INVS: variants seen among roughly 807,000 people sequenced by gnomAD.
The protein encoded by INVS is inversion of embryo turning homolog.
INVS carries 86 observed loss-of-function variants against 108.8 expected under a neutral mutation model. The ratio of observed to expected loss-of-function variants is 0.79; its 90% CI spans 0.66 to 0.95. The LOEUF is 0.95. Among genes scored for constraint, INVS ranks in the 40% least tolerant of loss-of-function variants. The pLI is 0.00. For missense variants in INVS, 1,169 were observed against 1,297.4 expected (o/e 0.90, Z 1.52); for synonymous variants, 455 against 473.5 (o/e 0.96, Z 0.51).
At chr9:100,146,789 CAT>C (rs1045447527) in intron 3 of INVS, among the ~76,000 whole-genome samples, 2 of 152,178 alleles carry the variant, frequency 1.3e-5, no homozygotes, top group African/African-American at 4.8e-5. Context: ...ATATAGCTAA[CAT>C]ATGGATGAAT....
chr9:100,112,761 A>G (rs998940750), intron 2 of INVS, among the ~76,000 whole-genome samples: 1 of 152,152 alleles, frequency 6.6e-6, no homozygotes, highest in East Asian at 1.9e-4. Flanking sequence ...CCTGGGCTAC[A>G]TGTGGCCCAC....
In INVS at chr9:100,260,357, T is replaced by C. The variant is rs375583444; in HGVS notation, c.1465-4465T>C. 2.5e-3 allele frequency among the ~76,000 whole-genome samples: 375 copies of C among 150,452 alleles called. 12 individuals carry two copies. The South Asian group carries it at 0.076, about 31-fold the overall frequency. The stretch of plus-strand genomic sequence containing the variant: ...GGCATGCACCACCACATCTGGCTAA[T>C]TTTTATAATGTTTTTAGTAGACACA... On this transcript the variant is annotated intron_variant, in intron 10 of 16. Coordinates refer to ENST00000262457, the MANE Select transcript of INVS (RefSeq NM_014425.5).
intron 10 of INVS, among the ~76,000 whole-genome samples, chr9:100,263,200 G>A (rs1832684486): frequency 6.6e-6 from 1 of 151,208 alleles, no homozygotes; most frequent in African/African-American, 2.5e-5. Flanking sequence ...AGTCAGTTGA[G>A]TGTTTTCTCA....
In INVS at chr9:100,165,717, T is replaced by G. The variant is rs565615757; in HGVS notation, c.273+39168T>G. On this transcript the variant is annotated intron_variant, in intron 3 of 16. Transcript: ENST00000262457. ...TTATTATCCTTAATTAGTATTCAAA[T>G]TACTCTGTTTTTGGCCTGTGGGAGG... Among the ~76,000 whole-genome samples, 4 of 152,214 alleles carry G rather than the reference T, an allele frequency of 2.6e-5. No individual in the cohort carries two copies. The South Asian group carries it at 6.2e-4, about 24-fold the overall frequency.
chr9:100,224,062 C>T lies in INVS; in HGVS notation c.274-2000C>T, dbSNP rs1421246183. Among the ~76,000 whole-genome samples, 10 of 152,014 alleles carry T rather than the reference C, an allele frequency of 6.6e-5. 1 individual carries two copies. The highest frequency in any genetic ancestry group is 2.1e-4 in the South Asian group (1 of 4,820). Reference sequence around the variant, plus strand: ...AAAAAAAACAAAACAAAAAAAAACACGCAAAAAAATCTCATAATGTTTTAA... The same window carrying T: ...AAAAAAAACAAAACAAAAAAAAACATGCAAAAAAATCTCATAATGTTTTAA... On this transcript the variant is annotated intron_variant, in intron 3 of 16. Coordinates refer to ENST00000262457, the MANE Select transcript of INVS (RefSeq NM_014425.5).
At chr9:100,122,264 A>G (rs1160558764) in intron 2 of INVS, among the ~76,000 whole-genome samples, 4 of 152,174 alleles carry the variant, frequency 2.6e-5, no homozygotes, top group Non-Finnish European at 5.9e-5. Flanking sequence ...TATTGAGAGA[A>G]GAGTGTTGAA....
chr9:100,246,881 T>C (rs1564174564), intron 8 of INVS, 94 bp downstream of exon 8: 2 of 1,133,712 alleles, frequency 1.8e-6, no homozygotes, highest in Non-Finnish European at 2.7e-6. Flanking sequence ...TTGAAATCAT[T>C]GTTCCTAATC....
rs1327016949 is a variant in INVS at position 100,287,965 on chromosome 9, G to A, written c.2068+3362G>A. ...GACTCTTTCTGATTCAGAGACCAAT[G>A]AGCCAAAAAGATACATTATCAACAC... is the stretch of plus-strand genomic sequence containing the variant. On this transcript the variant is annotated intron_variant, in intron 13 of 16. Coordinates refer to ENST00000262457, the MANE Select transcript of INVS (RefSeq NM_014425.5). Among the ~76,000 whole-genome samples the A allele has an allele frequency of 3.9e-5, 6 of 152,144 alleles. No homozygotes were observed. The East Asian group carries it at 9.7e-4, about 24-fold the overall frequency.
At chr9:100,153,554 A>T (rs750972312) in intron 3 of INVS, among the ~76,000 whole-genome samples, 3 of 152,206 alleles carry the variant, frequency 2.0e-5, no homozygotes, top group Non-Finnish European at 4.4e-5. Context: ...TGATGGCAAA[A>T]CTGTAGGGAA....
At chr9:100,249,745 C>T (rs13294111) in intron 8 of INVS, among the ~76,000 whole-genome samples, 2 of 151,616 alleles carry the variant, frequency 1.3e-5, no homozygotes, top group South Asian at 2.1e-4. Context: ...CCACCCACCT[C>T]GGCCTCCCAA....
intron 5 of INVS, among the ~76,000 whole-genome samples, chr9:100,234,869 G>A (rs1483442678): frequency 6.6e-6 from 1 of 152,182 alleles, no homozygotes; most frequent in African/African-American, 2.4e-5. Flanking sequence ...TTCTGTAGAT[G>A]TTTATTAGGT....
intron 3 of INVS, among the ~76,000 whole-genome samples, chr9:100,136,944 G>T (rs1323761734): frequency 6.6e-6 from 1 of 152,128 alleles, no homozygotes; most frequent in Non-Finnish European, 1.5e-5. Flanking sequence ...GGAGGCTGAG[G>T]CAGGAGAATC....
At chr9:100,136,086 A>G (rs1300192470) in intron 3 of INVS, among the ~76,000 whole-genome samples, 5 of 152,178 alleles carry the variant, frequency 3.3e-5, no homozygotes, top group Non-Finnish European at 7.3e-5. Flanking sequence ...ATGGATATAA[A>G]TATGATAAGA....
At chr9:100,150,472 T>C (rs1473927745) in intron 3 of INVS, among the ~76,000 whole-genome samples, 1 of 152,238 alleles carries the variant, frequency 6.6e-6, no homozygotes, top group Non-Finnish European at 1.5e-5. Flanking sequence ...ATTAGACTCA[T>C]GCTGGTTTCT....
At chr9:100,229,506 G>A (rs541332189) in intron 4 of INVS, among the ~76,000 whole-genome samples, 154 bp from the exon 5 acceptor site, 4 of 152,140 alleles carry the variant, frequency 2.6e-5, no homozygotes, top group Admixed American at 6.5e-5. Context: ...TTTAGACTTC[G>A]GTTGAACACA....
At chr9:100,293,153 A>G in intron 14 of INVS, 110 bp downstream of exon 14, 1 of 999,804 alleles carries the variant, frequency 1.0e-6, no homozygotes, top group South Asian at 1.3e-5. Context: ...GTGGCATGGT[A>G]AGGCCAATTT....
chr9:100,226,152 A>C lies in INVS; in HGVS notation c.364A>C (p.Thr122Pro), dbSNP rs560851395. 1.9e-5 allele frequency: 30 copies of C among 1,613,874 alleles called. No homozygotes were observed. Among genetic ancestry groups the C allele is most frequent in the Non-Finnish European group, 2.5e-5 (30 of 1,179,960 alleles). The change falls in exon 4 of 17, where the codon ACC becomes CCC. Residue 122 changes from threonine (T) to proline (P), a missense_variant. Physicochemically the swap from Thr to Pro is conservative, Grantham distance 38 (BLOSUM62 -1). Coordinates refer to ENST00000262457, the MANE Select transcript of INVS (RefSeq NM_014425.5). The part of the protein sequence containing the change: ...LEEMTPLHLT[T>P]RHRSPKCLAL... Reference sequence around the variant, plus strand: ...AGAGATGACTCCTTTGCACTTGACCACCCGGCACAGGAGCCCTAAGTGTTT... The same window carrying C: ...AGAGATGACTCCTTTGCACTTGACCCCCCGGCACAGGAGCCCTAAGTGTTT...
chr9:100,136,778 G>A (rs112164100), intron 3 of INVS, among the ~76,000 whole-genome samples: 2 of 152,196 alleles, frequency 1.3e-5, no homozygotes, highest in Non-Finnish European at 2.9e-5. Flanking sequence ...AGTAGCTCAC[G>A]CGTGTAATCC....
Position 100,182,137 on chromosome 9 carries a change from C to T in INVS, c.274-43925C>T, listed in dbSNP as rs61163672. ...ACTCAAGATGGATTAAAGACTTAAA[C>T]GTAAGACCTAAAACCATAAAAACGC... is the stretch of plus-strand genomic sequence containing the variant. On this transcript the variant is annotated intron_variant, in intron 3 of 16. Coordinates refer to ENST00000262457, the MANE Select transcript of INVS (RefSeq NM_014425.5). 3.0e-3 allele frequency among the ~76,000 whole-genome samples: 453 copies of T among 152,110 alleles called. 3 individuals are homozygous for T. Among genetic ancestry groups the T allele is most frequent in the African/African-American group, 0.01 (429 of 41,502 alleles).
Sources: allele counts gnomAD v4.1 joint callset (sites outside exome capture counted in the v4.1 genomes callset), GRCh38; gene constraint gnomAD v4.1.1; transcripts MANE v1.5; gene names NCBI Gene and HGNC (gene_info 2026-07-23, HGNC 2026-07-21).